The following SPG11 variants were observed in gnomAD, a reference collection of about 807,000 sequenced individuals.
The protein encoded by SPG11 is spatacsin.
SPG11 carries 222 observed loss-of-function variants against 274.0 expected under a neutral mutation model. The observed-to-expected ratio is 0.81, with a 90% CI of 0.73 to 0.91. The LOEUF (loss-of-function observed/expected upper bound fraction) is 0.91. Ranked by LOEUF, SPG11 falls within the 40% of genes least tolerant of loss-of-function variation. The pLI is 0.00. For synonymous variants in SPG11, 1,144 were observed against 1,039.7 expected, an observed-to-expected ratio of 1.10 and a Z score of -1.93; for missense variants, 3,114 against 2,872.7, an observed-to-expected ratio of 1.08 and a Z score of -1.92.
chr15:44,623,680 C>T (rs2083816533), intron 11 of SPG11, among the ~76,000 whole-genome samples: 1 of 152,172 alleles, frequency 6.6e-6, no homozygotes, highest in Admixed American at 6.6e-5. Context: ...ATGCATGCTT[C>T]GACAAGTGTG....
intron 20 of SPG11, 58 bp from the exon 21 acceptor site, chr15:44,600,690 T>C: frequency 6.4e-7 from 1 of 1,560,110 alleles, no homozygotes; most frequent in Non-Finnish European, 8.8e-7. Context: ...TAATTTCAGA[T>C]TTGCACATGG....
chr15:44,622,930 C>A, intron 11 of SPG11, 131 bp from the exon 12 acceptor site: 1 of 764,410 alleles, frequency 1.3e-6, no homozygotes, highest in Non-Finnish European at 2.3e-6. Context: ...GCTTTCTGCT[C>A]TTTCAAACAC....
At chr15:44,578,683 G>A (rs1176804912) in intron 30 of SPG11, among the ~76,000 whole-genome samples, 14 of 152,162 alleles carry the variant, frequency 9.2e-5, no homozygotes, top group Admixed American at 9.2e-4. Flanking sequence ...GGACAGATCT[G>A]AATACTACCG....
chr15:44,613,667 T>TA (rs1175092020), intron 16 of SPG11, 131 bp from the exon 17 acceptor site: 3 of 624,762 alleles, frequency 4.8e-6, no homozygotes, highest in Non-Finnish European at 8.6e-6. Flanking sequence ...TAACACAAAA[T>TA]ACTCCCACTC....
At chr15:44,591,936 C>G (rs2082909232) in intron 27 of SPG11, among the ~76,000 whole-genome samples, 1 of 151,964 alleles carries the variant, frequency 6.6e-6, no homozygotes, top group African/African-American at 2.4e-5. Flanking sequence ...ATGGTGAAAC[C>G]CTGTCTCTAC....
chr15:44,630,411 C>G (rs1305343758), intron 8 of SPG11, among the ~76,000 whole-genome samples: 1 of 152,170 alleles, frequency 6.6e-6, no homozygotes, highest in Non-Finnish European at 1.5e-5. Context: ...CACCAAACAA[C>G]AGAAGTGAAT....
Position 44,598,791 on chromosome 15 carries a change from G to A in SPG11, c.3732C>T (p.Ser1244=), listed in dbSNP as rs755294462. ...CAGCTCCTATTGAAGGTATGTGGAA[G>A]GAGGAGAGCCCTATAACATAGGCTT... The part of the protein sequence containing the change: ...GNEAYVIGLS[S]FHIPSIGAAC... The change falls in exon 22 of 40, where the codon TCC becomes TCT. Residue 1244 remains serine, a synonymous_variant. Coordinates refer to ENST00000261866, the MANE Select transcript of SPG11 (RefSeq NM_025137.4). The A allele has an allele frequency of 1.9e-6, 3 of 1,614,198 alleles. No individual in the cohort carries two copies. Among genetic ancestry groups the A allele is most frequent in the Non-Finnish European group, 2.5e-6 (3 of 1,180,030 alleles).
intron 19 of SPG11, among the ~76,000 whole-genome samples, chr15:44,606,476 G>T (rs1335172988): frequency 2.0e-5 from 3 of 152,100 alleles, no homozygotes; most frequent in Non-Finnish European, 2.9e-5. Context: ...GATGAGCAAA[G>T]AACAGGGTAG....
At chr15:44,655,926 C>A (rs1473813933) in intron 4 of SPG11, among the ~76,000 whole-genome samples, 2 of 152,146 alleles carry the variant, frequency 1.3e-5, no homozygotes, top group Non-Finnish European at 2.9e-5. Flanking sequence ...TGTAGTCTTT[C>A]TTAAAATATC....
intron 7 of SPG11, 55 bp downstream of exon 7, chr15:44,648,811 A>G (rs1234068700): frequency 2.5e-5 from 40 of 1,570,742 alleles, no homozygotes; most frequent in East Asian, 2.0e-4. Context: ...AAATCGAATA[A>G]AAGTATATAA....
chr15:44,592,100 G>A (rs1391853446), intron 27 of SPG11, among the ~76,000 whole-genome samples: 1 of 144,030 alleles, frequency 6.9e-6, no homozygotes, highest in Non-Finnish European at 1.5e-5. Flanking sequence ...GACAGAGCCA[G>A]ACACTGTCTC....
At chr15:44,636,925 C>CAAAAAAAAAAAAAAAAAAAAAAAA (rs370928375) in intron 7 of SPG11, among the ~76,000 whole-genome samples, 4 of 19,450 alleles carry the variant, frequency 2.1e-4, no homozygotes, top group East Asian at 2.0e-3. Flanking sequence ...GACTCCATCT[C>CAAAAAAAAAAAAAAAAAAAAAAAA]AAAAAAAAAA....
intron 39 of SPG11, among the ~76,000 whole-genome samples, chr15:44,563,862 G>A (rs1335979800): frequency 1.3e-5 from 2 of 152,200 alleles, no homozygotes; most frequent in Admixed American, 1.3e-4. Flanking sequence ...AGAGGAGAGG[G>A]TGCTGGAGTC....
At chr15:44,590,034 C>G (rs1348080810) in intron 27 of SPG11, among the ~76,000 whole-genome samples, 1 of 152,166 alleles carries the variant, frequency 6.6e-6, no homozygotes, top group Non-Finnish European at 1.5e-5. Context: ...GTCTCGAACT[C>G]CTGACCTGAT....
rs755744372 is a variant in SPG11 at position 44,659,338 on chromosome 15, G to A, written c.443-35C>T. The stretch of plus-strand genomic sequence containing the variant: ...AAAAGGATATTATTTCAAACTCATT[G>A]GTCACAATTTTACAACTGGTACATT... On this transcript the variant is annotated intron_variant, in intron 2 of 39. Transcript: ENST00000261866. 5.8e-6 allele frequency: 9 copies of A among 1,559,764 alleles called. No individual in the cohort carries two copies. In the South Asian group the frequency reaches 8.9e-5, roughly 16 times the overall value.
chr15:44,662,922 G>A (rs2085159286), intron 1 of SPG11, among the ~76,000 whole-genome samples: 2 of 152,212 alleles, frequency 1.3e-5, no homozygotes, highest in South Asian at 2.1e-4. Flanking sequence ...TGTCCTTGAA[G>A]AAGAGGACTA....
chr15:44,607,040 T>A (rs1262746746), intron 19 of SPG11, among the ~76,000 whole-genome samples: 2 of 152,200 alleles, frequency 1.3e-5, no homozygotes, highest in African/African-American at 2.4e-5. Flanking sequence ...TAAAACAAGG[T>A]AAGACACTTC....
chr15:44,610,912 G>A lies in SPG11; in HGVS notation c.3219C>T (p.Ser1073=), dbSNP rs1161697730. The change falls in exon 18 of 40, where the codon AGC becomes AGT. Residue 1073 remains serine, a synonymous_variant. Coordinates refer to ENST00000261866, the MANE Select transcript of SPG11 (RefSeq NM_025137.4). ...GGGTATGTCCTTCCAATAGCATACT[G>A]CTTACACTGGCCTGATTGGTGGGAA... ...ILIPTNQASV[S]SMLLEGHTLL... 6.2e-7 allele frequency: 1 copy of A among 1,613,788 alleles called. No homozygotes were observed. The highest frequency in any genetic ancestry group is 8.5e-7 in the Non-Finnish European group (1 of 1,179,830).
Position 44,622,739 on chromosome 15 carries a change from G to A in SPG11, c.2305C>T (p.Arg769Cys), listed in dbSNP as rs758119635. The stretch of plus-strand genomic sequence containing the variant: ...TCACCTTTACCTACCAAAAAGTCAC[G>A]TATATTTTTATTAGTTGTATAGAAG... ...ICFYTTNKNIRDFLVEILKEK... is the reference protein window; with the variant it reads ...ICFYTTNKNICDFLVEILKEK... Residue 769 changes from arginine to cysteine, a missense_variant, in exon 12 of 40, where the codon CGT (arginine) becomes TGT (cysteine). Coordinates refer to ENST00000261866, the MANE Select transcript of SPG11 (RefSeq NM_025137.4). 1.4e-5 allele frequency: 22 copies of A among 1,612,188 alleles called. No individual in the cohort carries two copies. Among genetic ancestry groups the A allele is most frequent in the South Asian group, 6.6e-5 (6 of 91,046 alleles).
Sources: gnomAD v4.1 joint callset for allele counts (sites outside exome capture counted in the v4.1 genomes callset) on GRCh38, gnomAD v4.1.1 for gene constraint, MANE v1.5 for transcripts, NCBI Gene and HGNC (gene_info 2026-07-23, HGNC 2026-07-21) for gene names.